Variants in UIMC1 observed in about 807,000 individuals in gnomAD.
The protein encoded by UIMC1 is ubiquitin interaction motif containing 1, also known as BRCA1-A complex subunit RAP80.
In UIMC1, 42 loss-of-function variants were observed where a neutral mutation model predicts 84.9. The ratio of observed to expected loss-of-function variants is 0.49; its 90% CI spans 0.39 to 0.64. The LOEUF (loss-of-function observed/expected upper bound fraction) is 0.64. Among genes scored for constraint, UIMC1 ranks in the 30% least tolerant of loss-of-function variants. The pLI is 0.00. For synonymous variants in UIMC1, 281 were observed against 293.0 expected (o/e 0.96, Z 0.42); for missense variants, 825 against 847.6 (o/e 0.97, Z 0.33).
chr5:176,952,526 T>G (rs566732517), intron 8 of UIMC1, among the ~76,000 whole-genome samples: 1 of 152,350 alleles, frequency 6.6e-6, no homozygotes, highest in South Asian at 2.1e-4. Context: ...GCCATGCTCA[T>G]TCATCTATGT....
intron 3 of UIMC1, among the ~76,000 whole-genome samples, chr5:176,972,680 G>A (rs557437272): frequency 1.6e-4 from 25 of 152,148 alleles, no homozygotes; most frequent in African/African-American, 5.1e-4. Context: ...AGGTTGCAGC[G>A]AGCCAAGATC....
In UIMC1 at chr5:176,998,273, G is replaced by A. The variant is rs536902937; in HGVS notation, c.-9+8377C>T. Among the ~76,000 whole-genome samples, 4 of 151,850 alleles carry A rather than the reference G, an allele frequency of 2.6e-5. No individual in the cohort carries two copies. In the South Asian group the frequency reaches 8.3e-4, roughly 32 times the overall value. On this transcript the variant is annotated intron_variant, in intron 1 of 14. Coordinates refer to ENST00000511320, the MANE Select transcript of UIMC1 (RefSeq NM_001199298.2). ...GAGGTCAGGAGTTCGAGACCACCCT[G>A]GCCAACGTGGTGAAACCCCATCTCT...
chr5:176,930,639 T>A (rs551559979), intron 10 of UIMC1, among the ~76,000 whole-genome samples: 1 of 152,374 alleles, frequency 6.6e-6, no homozygotes, highest in South Asian at 2.1e-4. Flanking sequence ...AATTAAATCC[T>A]TTTACTTAAC....
intron 10 of UIMC1, among the ~76,000 whole-genome samples, chr5:176,938,801 G>A (rs1189404273): frequency 1.3e-5 from 2 of 152,044 alleles, no homozygotes; most frequent in African/African-American, 4.8e-5. Flanking sequence ...CCATTGTCAG[G>A]GACATTTACT....
intron 14 of UIMC1, 71 bp downstream of exon 14, chr5:176,905,940 C>T (rs549429534): frequency 7.2e-6 from 11 of 1,537,142 alleles, no homozygotes; most frequent in Middle Eastern, 3.4e-4. Context: ...ACACTACACA[C>T]AGAACACAGG....
At chr5:176,974,239 T>C (rs1389316086) in intron 3 of UIMC1, among the ~76,000 whole-genome samples, 1 of 151,952 alleles carries the variant, frequency 6.6e-6, no homozygotes, top group Non-Finnish European at 1.5e-5. Context: ...CATAAATAAA[T>C]GGAAAAGAAC....
chr5:177,018,617 C>G (rs187020405), intron 1 of UIMC1, among the ~76,000 whole-genome samples: 6 of 152,230 alleles, frequency 3.9e-5, no homozygotes, highest in Admixed American at 2.6e-4. Flanking sequence ...AATAAAAAGC[C>G]AGCCCAACAA....
intron 5 of UIMC1, 119 bp from the exon 6 acceptor site, chr5:176,969,410 A>G: frequency 6.9e-7 from 1 of 1,442,260 alleles, no homozygotes; most frequent in South Asian, 1.4e-5. Context: ...CTTTGGGTTT[A>G]ACCAAATGTT....
intron 7 of UIMC1, 150 bp from the exon 8 acceptor site, chr5:176,956,185 A>G (rs1766573274): frequency 1.6e-6 from 1 of 642,118 alleles, no homozygotes; most frequent in Non-Finnish European, 2.7e-6. Context: ...GCAAGGAATC[A>G]GTACTGAAAA....
chr5:176,940,298 C>G (rs1365159510), intron 10 of UIMC1, among the ~76,000 whole-genome samples: 6 of 152,240 alleles, frequency 3.9e-5, no homozygotes, highest in African/African-American at 1.4e-4. Context: ...ATTTTAGCAC[C>G]AACTAGTGGA....
At chr5:177,002,658 G>A (rs910403659) in intron 1 of UIMC1, among the ~76,000 whole-genome samples, 2 of 152,078 alleles carry the variant, frequency 1.3e-5, no homozygotes, top group African/African-American at 2.4e-5. Flanking sequence ...AGAATCAACC[G>A]GGCGTAGTGG....
intron 1 of UIMC1, among the ~76,000 whole-genome samples, chr5:176,993,047 A>G (rs896025097): frequency 2.0e-5 from 3 of 151,940 alleles, no homozygotes; most frequent in African/African-American, 7.3e-5. Flanking sequence ...TCAGCTGGGC[A>G]TGGTGGTGTG....
chr5:176,946,948 T>C (rs997540429), intron 9 of UIMC1, among the ~76,000 whole-genome samples: 1 of 152,206 alleles, frequency 6.6e-6, no homozygotes, highest in Non-Finnish European at 1.5e-5. Context: ...AAGTTGGTGG[T>C]GAATGGGCAG....
At chr5:176,943,534 C>A (rs777529970) in intron 9 of UIMC1, 46 bp from the exon 10 acceptor site, 2 of 1,597,578 alleles carry the variant, frequency 1.3e-6, no homozygotes, top group South Asian at 1.1e-5. Flanking sequence ...TAGTTCATAT[C>A]ATTCCCTACA....
intron 7 of UIMC1, among the ~76,000 whole-genome samples, chr5:176,957,867 G>C (rs1025394546): frequency 6.6e-6 from 1 of 152,178 alleles, no homozygotes; most frequent in African/African-American, 2.4e-5. Flanking sequence ...TAGCTGGCCT[G>C]GACAAGATGA....
At chr5:176,934,517 C>G (rs993363808) in intron 10 of UIMC1, among the ~76,000 whole-genome samples, 3 of 152,194 alleles carry the variant, frequency 2.0e-5, no homozygotes, top group Non-Finnish European at 4.4e-5. Flanking sequence ...AAGGCAAAAG[C>G]CTGATCCTCA....
intron 1 of UIMC1, among the ~76,000 whole-genome samples, chr5:176,989,139 T>C (rs750396865): frequency 3.3e-5 from 5 of 149,814 alleles, no homozygotes; most frequent in African/African-American, 7.4e-5. Flanking sequence ...CCTAAGGGGG[T>C]TGTTACATCT....
chr5:176,989,003 T>G (rs901830509), intron 1 of UIMC1, among the ~76,000 whole-genome samples: 3 of 152,082 alleles, frequency 2.0e-5, no homozygotes, highest in South Asian at 4.1e-4. Context: ...TTTACCTCAA[T>G]TTTTTAAAAA....
intron 10 of UIMC1, among the ~76,000 whole-genome samples, chr5:176,920,227 C>T (rs1372227048): frequency 2.0e-5 from 3 of 152,022 alleles, no homozygotes; most frequent in African/African-American, 7.2e-5. Context: ...GGAGTTTCTC[C>T]ACATTGGTAA....
Sources: gnomAD v4.1 joint callset for allele counts (sites outside exome capture counted in the v4.1 genomes callset) on GRCh38, gnomAD v4.1.1 for gene constraint, MANE v1.5 for transcripts, NCBI Gene and HGNC (gene_info 2026-07-23, HGNC 2026-07-21) for gene names.